The following ATAD2B variants were observed in gnomAD, a reference collection of about 807,000 sequenced individuals.
ATAD2B encodes ATPase family AAA domain-containing protein 2B.
ATAD2B carries 40 observed loss-of-function variants against 167.6 expected under a neutral mutation model. The observed-to-expected ratio is 0.24, with a 90% CI of 0.19 to 0.31. The LOEUF (loss-of-function observed/expected upper bound fraction) is 0.31. Ranked by LOEUF, ATAD2B falls within the 10% of genes least tolerant of loss-of-function variation. The pLI is 1.00. For synonymous variants in ATAD2B, 579 were observed against 596.5 expected (o/e 0.97, Z 0.43); for missense variants, 1,242 against 1,757.2 (o/e 0.71, Z 5.24).
chr2:23,873,343 A>G (rs1293132098), intron 8 of ATAD2B, among the ~76,000 whole-genome samples: 3 of 152,240 alleles, frequency 2.0e-5, no homozygotes, highest in Non-Finnish European at 4.4e-5. Flanking sequence ...TTAATATAAC[A>G]ATACCTATAA....
At position 23,750,128 on chromosome 2, in the gene ATAD2B, A is replaced by G. The variant is rs1476594999; in HGVS notation, c.*1918T>C. On this transcript the variant is annotated 3_prime_UTR_variant, in exon 28 of 28. Coordinates refer to ENST00000238789, the MANE Select transcript of ATAD2B (RefSeq NM_017552.4). ...TATGATGGTAATAAATACTAAAGAA[A>G]GCATGAAAATCCTCCCAATAATCAA... 1.3e-5 allele frequency: 2 copies of G among 152,150 alleles called. No homozygotes were observed. The highest frequency in any genetic ancestry group is 2.9e-5 in the Non-Finnish European group (2 of 68,004). 9.4% of individuals were successfully genotyped at this position (152,150 alleles called of 1,614,324 possible).
chr2:23,835,781 C>A (rs1191652495), intron 13 of ATAD2B, among the ~76,000 whole-genome samples: 1 of 152,018 alleles, frequency 6.6e-6, no homozygotes. Flanking sequence ...ACTAAAAATA[C>A]AAAAATTAGC....
At chr2:23,840,298 C>T (rs1690672737) in intron 13 of ATAD2B, among the ~76,000 whole-genome samples, 1 of 152,160 alleles carries the variant, frequency 6.6e-6, no homozygotes, top group South Asian at 2.1e-4. Flanking sequence ...TCTAAAAAAA[C>T]CAAAACATTA....
Position 23,867,923 on chromosome 2 carries a change from G to A in ATAD2B, c.1100C>T (p.Ala367Val). 6.2e-7 allele frequency: 1 copy of A among 1,611,722 alleles called. No homozygotes were observed. Among genetic ancestry groups the A allele is most frequent in the South Asian group, 1.1e-5 (1 of 90,368 alleles). Residue 367 changes from alanine (A) to valine (V), a missense_variant, in exon 10 of 28, where the codon GCA (alanine) becomes GTA (valine). This residue lies in a region of ATAD2B where 127 missense variants were observed against 146.3 expected (regional missense o/e 0.87). Coordinates refer to ENST00000238789, the MANE Select transcript of ATAD2B (RefSeq NM_017552.4). ...RNRCLPMNFR[A>V]EDLASGILRE... ...GAGAATACCGCTAGCTAAGTCCTCT[G>A]CTCTGAAGTTCATAGGCAAACATCT... is the stretch of plus-strand genomic sequence containing the variant.
the ATAD2B span, chr2:23,703,393 G>T: frequency 6.8e-7 from 1 of 1,477,366 alleles, no homozygotes. Flanking sequence ...AGAACCAGCG[G>T]TGTCCTCAGC....
intron 23 of ATAD2B, among the ~76,000 whole-genome samples, chr2:23,764,260 C>T (rs1024392797): frequency 2.6e-5 from 4 of 152,202 alleles, no homozygotes; most frequent in African/African-American, 2.4e-5. Flanking sequence ...TACTTCTTCC[C>T]GCCAAGGCAA....
chr2:23,775,866 C>A (rs1679024061), intron 22 of ATAD2B, among the ~76,000 whole-genome samples: 1 of 152,160 alleles, frequency 6.6e-6, no homozygotes, highest in Non-Finnish European at 1.5e-5. Flanking sequence ...AACTAGTAAT[C>A]CAGCACTTTG....
intron 12 of ATAD2B, among the ~76,000 whole-genome samples, chr2:23,862,401 G>GTTTTTT (rs750865073): frequency 0.014 from 1,355 of 99,364 alleles, 64 homozygotes; most frequent in Non-Finnish European, 0.019. Context: ...ATTTGGACTG[G>GTTTTTT]TTTTTTTTTT....
At position 23,749,902 on chromosome 2, in the gene ATAD2B, G is replaced by C. The variant is rs910631784; in HGVS notation, c.*2144C>G. 6.6e-6 allele frequency: 1 copy of C among 151,474 alleles called. No homozygotes were observed. Among genetic ancestry groups the C allele is most frequent in the African/African-American group, 2.4e-5 (1 of 41,198 alleles). 9.4% of individuals were successfully genotyped at this position (151,474 alleles called of 1,614,324 possible). A position where few individuals can be genotyped will look rare whatever the true frequency, so the allele number is the denominator to read the frequency against. ...AGTGCTGCTGTTACTTGAAAAGAAT[G>C]CTTCTGAATTAGAATAACTGGAATA... On this transcript the variant is annotated 3_prime_UTR_variant, in exon 28 of 28. Transcript: ENST00000238789.
intron 17 of ATAD2B, among the ~76,000 whole-genome samples, chr2:23,812,893 T>C (rs1419009242): frequency 6.6e-6 from 1 of 150,754 alleles, no homozygotes; most frequent in East Asian, 1.9e-4. Flanking sequence ...CATTCAAACA[T>C]GTTTTAGTAA....
At position 23,763,121 on chromosome 2, in the gene ATAD2B, A is replaced by G. The variant is rs1201098252; in HGVS notation, c.3257-775T>C. Among the ~76,000 whole-genome samples, 6 of 152,202 alleles carry G rather than the reference A, an allele frequency of 3.9e-5. No homozygotes were observed. The East Asian group carries it at 7.7e-4, about 20-fold the overall frequency. The stretch of plus-strand genomic sequence containing the variant: ...AAAGATAACTGGTTTATCTTTCCCT[A>G]CAAAACAAAACAGTTTGTTCTTATA... On this transcript the variant is annotated intron_variant, in intron 23 of 27. Transcript: ENST00000238789.
At chr2:23,755,036 AG>A (rs1250506212) in intron 25 of ATAD2B, 1 of 249,900 alleles carries the variant, frequency 4.0e-6, no homozygotes, top group African/African-American at 2.3e-5. Flanking sequence ...ATCCACTAAA[AG>A]GAAGATAAAA....
chr2:23,899,836 G>A (rs1700588379), intron 1 of ATAD2B, among the ~76,000 whole-genome samples: 1 of 151,034 alleles, frequency 6.6e-6, no homozygotes. Flanking sequence ...TGATCCGCCT[G>A]CCTCAGCCTC....
chr2:23,924,976 G>A (rs1333425647), intron 1 of ATAD2B, among the ~76,000 whole-genome samples: 4 of 152,172 alleles, frequency 2.6e-5, no homozygotes, highest in African/African-American at 9.7e-5. Flanking sequence ...CTTCAGATGA[G>A]TTAGACACTG....
At chr2:23,821,329 G>A (rs1243045081) in intron 16 of ATAD2B, among the ~76,000 whole-genome samples, 2 of 152,152 alleles carry the variant, frequency 1.3e-5, no homozygotes, top group Non-Finnish European at 2.9e-5. Flanking sequence ...TTTTCTAAAG[G>A]TGACGTAAGT....
At chr2:23,778,834 T>C (rs907393956) in intron 22 of ATAD2B, among the ~76,000 whole-genome samples, 65 of 152,164 alleles carry the variant, frequency 4.3e-4, no homozygotes, top group Admixed American at 2.0e-4. Context: ...ATAGGAGAAA[T>C]GGGACTAAAG....
the ATAD2B span, among the ~76,000 whole-genome samples, chr2:23,735,753 C>G: frequency 1.3e-5 from 2 of 152,198 alleles, no homozygotes; most frequent in African/African-American, 4.8e-5. Context: ...TCATTTGTTT[C>G]TGGAACAAGA....
chr2:23,885,583 C>A, intron 5 of ATAD2B, 144 bp downstream of exon 5: 1 of 534,422 alleles, frequency 1.9e-6, no homozygotes, highest in Non-Finnish European at 3.3e-6. Flanking sequence ...AACAAGCAAG[C>A]AATAAAATCC....
rs78288263 is a variant in ATAD2B, at chr2:23,865,768, T to C, written c.1189-844A>G. On this transcript the variant is annotated intron_variant, in intron 10 of 27. Transcript: ENST00000238789. ...GAGAGAAATTTACTTTTTTTTTTCT[T>C]TATGGGACAATGATGAAAAAATTAT... Among the ~76,000 whole-genome samples, 753 of 152,208 alleles carry C rather than the reference T, an allele frequency of 4.9e-3. 5 individuals carry two copies. Among genetic ancestry groups the C allele is most frequent in the Non-Finnish European group, 5.3e-3 (361 of 68,002 alleles).
Sources: allele counts gnomAD v4.1 joint callset (sites outside exome capture counted in the v4.1 genomes callset), GRCh38; gene constraint gnomAD v4.1.1; regional missense constraint gnomAD v4.1.1; transcripts MANE v1.5; gene names NCBI Gene and HGNC (gene_info 2026-07-23, HGNC 2026-07-21).